ALDH6A1: variants seen among roughly 807,000 people sequenced by gnomAD.
ALDH6A1 encodes the protein methylmalonate-semialdehyde/malonate-semialdehyde dehydrogenase [acylating], mitochondrial.
ALDH6A1 carries 43 observed loss-of-function variants against 62.6 expected under a neutral mutation model. The observed-to-expected ratio is 0.69, with a 90% confidence interval of 0.54 to 0.89. ALDH6A1 has a LOEUF of 0.89. Ranked by LOEUF, ALDH6A1 falls within the 40% of genes least tolerant of loss-of-function variation. ALDH6A1 has a pLI of 0.00. For synonymous variants in ALDH6A1, 194 were observed against 234.2 expected, an observed-to-expected ratio of 0.83 and a Z score of 1.57; for missense variants, 551 against 661.3, an observed-to-expected ratio of 0.83 and a Z score of 1.83.
At chr14:74,066,610 T>A in intron 9 of ALDH6A1, 95 bp downstream of exon 9, 1 of 1,229,140 alleles carries the variant, frequency 8.1e-7, no homozygotes, top group South Asian at 1.2e-5. Context: ...AAGGTCTTAG[T>A]CATTAAGTAT....
rs758907336 is a variant in ALDH6A1 at position 74,057,111 on chromosome 14, G to T, written c.*3531C>A. 2 of 1,604,968 alleles carry T rather than the reference G, an allele frequency of 1.2e-6. No individual in the cohort carries two copies. The highest frequency in any genetic ancestry group is 1.7e-6 in the Non-Finnish European group (2 of 1,174,594). ...AACCAGGTTTCATGTGTGTAGAGTT[G>T]TTGACGGTTCTGTTATTTTGTCATT... On this transcript the variant is annotated 3_prime_UTR_variant, in exon 12 of 12. Coordinates refer to ENST00000553458, the MANE Select transcript of ALDH6A1 (RefSeq NM_005589.4).
intron 1 of ALDH6A1, among the ~76,000 whole-genome samples, chr14:74,078,004 G>C (rs534827432): frequency 6.6e-6 from 1 of 152,338 alleles, no homozygotes; most frequent in Admixed American, 6.5e-5. Flanking sequence ...TACTCGGGAA[G>C]CTGAGGCAGG....
chr14:74,060,163 CT>C lies in ALDH6A1; in HGVS notation c.*478del, dbSNP rs1256064433. ...CTTTAAAAAATTTTTTTTCCCTTTT[CT>C]TTTTTTACTTTTTCAATTTTTTTAA... On this transcript the variant is annotated 3_prime_UTR_variant, in exon 12 of 12. Coordinates refer to ENST00000553458, the MANE Select transcript of ALDH6A1 (RefSeq NM_005589.4). 1.2e-4 allele frequency: 19 copies of C among 156,250 alleles called. No homozygotes were observed. The South Asian group carries it at 1.9e-3, about 16-fold the overall frequency. 9.7% of individuals were successfully genotyped at this position (156,250 alleles called of 1,614,324 possible).
At chr14:74,075,648 C>A (rs991025103) in intron 1 of ALDH6A1, among the ~76,000 whole-genome samples, 1 of 150,722 alleles carries the variant, frequency 6.6e-6, no homozygotes, top group Non-Finnish European at 1.5e-5. Flanking sequence ...GAGAGGGAGA[C>A]CTTGTCTCAA....
In ALDH6A1 at chr14:74,084,422, C is replaced by T. The variant is rs1595138486; in HGVS notation, c.-28G>A. ...CTCTCGGCCGCCCTAGCTCCGCACC[C>T]CGCGCCTCTACTGCCCAGAAGCACT... is the stretch of plus-strand genomic sequence containing the variant. On this transcript the variant is annotated 5_prime_UTR_variant, in exon 1 of 12. Transcript: ENST00000553458. The T allele has an allele frequency of 1.9e-6, 3 of 1,611,858 alleles. No individual in the cohort carries two copies. Among genetic ancestry groups the T allele is most frequent in the Non-Finnish European group, 8.5e-7 (1 of 1,179,610 alleles).
In ALDH6A1 at chr14:74,074,129, T is replaced by A. The variant is rs182276851; in HGVS notation, c.111+826A>T. Among the ~76,000 whole-genome samples the A allele has an allele frequency of 4.6e-5, 7 of 151,090 alleles. No homozygotes were observed. In the East Asian group the frequency reaches 1.4e-3, roughly 30 times the overall value. On this transcript the variant is annotated intron_variant, in intron 2 of 11. Transcript: ENST00000553458. ...CCTCCCAGGCAGCTGGGACCATAGG[T>A]ACGCACCACCACGCCTGGCTAATTT...
chr14:74,065,554 CAT>C, intron 9 of ALDH6A1, 194 bp from the exon 10 acceptor site: 1 of 593,128 alleles, frequency 1.7e-6, no homozygotes. Context: ...AGTTACCAAT[CAT>C]ATAAACAACT....
In ALDH6A1 at chr14:74,071,880, G is replaced by A. The variant is rs2060554569; in HGVS notation, c.427+16C>T. The A allele has an allele frequency of 6.2e-7, 1 of 1,613,608 alleles. No individual in the cohort carries two copies. The highest frequency in any genetic ancestry group is 1.1e-5 in the South Asian group (1 of 91,060). ...TTGGTCCTTCCCAAAAGTCCCATAA[G>A]GGGCTCCCAGCTTACGAAGGCCTCG... On this transcript the variant is annotated intron_variant, in intron 5 of 11. Transcript: ENST00000553458.
At chr14:74,069,850 CTT>C (rs779619553) in intron 6 of ALDH6A1, among the ~76,000 whole-genome samples, 22 of 122,468 alleles carry the variant, frequency 1.8e-4, no homozygotes, top group African/African-American at 3.6e-4. Context: ...CTAATCTAAC[CTT>C]TTTTTTTTTT....
Position 74,071,258 on chromosome 14 carries a change from T to C in ALDH6A1, c.667A>G (p.Lys223Glu), listed in dbSNP as rs1489328481. Residue 223 changes from lysine (K) to glutamate (E), a missense_variant, in exon 6 of 12, where the codon AAG becomes GAG. Coordinates refer to ENST00000553458, the MANE Select transcript of ALDH6A1 (RefSeq NM_005589.4). ...RVPGATMLLA[K>E]LLQDSGAPDG... ...GGGGCACCAGAATCCTGGAGCAACT[T>C]AGCAAGAAGCATAGTTGCTCCAGGG... 1 of 1,614,132 alleles carries C rather than the reference T, an allele frequency of 6.2e-7. No homozygotes were observed. Among genetic ancestry groups the C allele is most frequent in the African/African-American group, 1.3e-5 (1 of 75,006 alleles).
chr14:74,063,967 CTT>C (rs943238226), intron 11 of ALDH6A1, among the ~76,000 whole-genome samples: 2 of 151,884 alleles, frequency 1.3e-5, no homozygotes, highest in African/African-American at 4.8e-5. Context: ...ATCTGCTTTA[CTT>C]TTCTTGTTCA....
In ALDH6A1 at chr14:74,068,974, A is replaced by G. The variant is rs149132534; in HGVS notation, c.738T>C (p.Asn246=). ...NIIHGQHEAV[N]FICDHPDIKA... ...TGATGTCCGGATGATCGCAAATAAA[A>G]TTTACAGCTTTAAGAAGAAAATAAA... The change falls in exon 7 of 12, where the codon AAT becomes AAC. Residue 246 remains asparagine (N), a synonymous_variant. Transcript: ENST00000553458. The G allele has an allele frequency of 2.0e-5, 32 of 1,613,872 alleles. No individual in the cohort carries two copies. Among genetic ancestry groups the G allele is most frequent in the African/African-American group, 8.0e-5 (6 of 74,906 alleles).
chr14:74,076,100 T>C (rs903056153), intron 1 of ALDH6A1, among the ~76,000 whole-genome samples: 2 of 152,204 alleles, frequency 1.3e-5, no homozygotes, highest in Admixed American at 6.6e-5. Flanking sequence ...GATGGACATA[T>C]GTTCATTATG....
In ALDH6A1 at chr14:74,084,396, G is replaced by A. The variant is rs758880945; in HGVS notation, c.-2C>T. ...CGCCGCCGCCAATAGCGCCGCCATG[G>A]CTCTCGGCCGCCCTAGCTCCGCACC... On this transcript the variant is annotated 5_prime_UTR_variant, in exon 1 of 12. Coordinates refer to ENST00000553458, the MANE Select transcript of ALDH6A1 (RefSeq NM_005589.4). The A allele has an allele frequency of 1.9e-6, 3 of 1,613,078 alleles. No individual in the cohort carries two copies. The highest frequency in any genetic ancestry group is 1.7e-4 in the Middle Eastern group (1 of 5,878).
Position 74,072,403 on chromosome 14 carries a change from C to T in ALDH6A1, c.187-39G>A, listed in dbSNP as rs564776787. ...TAAGCACATGATCCTTTGCCTGACT[C>T]ACCTTCTCCACTGTACATCCAGTCA... On this transcript the variant is annotated intron_variant, in intron 3 of 11. Coordinates refer to ENST00000553458, the MANE Select transcript of ALDH6A1 (RefSeq NM_005589.4). The T allele has an allele frequency of 6.8e-6, 11 of 1,614,040 alleles. No homozygotes were observed. In the South Asian group the frequency reaches 9.9e-5, roughly 15 times the overall value.
intron 2 of ALDH6A1, 63 bp downstream of exon 2, chr14:74,074,892 G>A: frequency 6.6e-7 from 1 of 1,518,116 alleles, no homozygotes; most frequent in Non-Finnish European, 9.1e-7. Flanking sequence ...AAAGAAGATA[G>A]AGATACCCAA....
At position 74,066,785 on chromosome 14, in the gene ALDH6A1, G is replaced by C. The variant is rs990299954; in HGVS notation, c.1144C>G (p.Leu382Val). The change falls in exon 9 of 12, where the codon CTT becomes GTT. Residue 382 changes from leucine (L) to valine (V), a missense_variant. By Grantham distance (32) the Leu-to-Val change is conservative. Transcript: ENST00000553458. Reference sequence around the variant, plus strand: ...ACTTTAATTTTTCGTCCATCAAGAAGGATGGAAGCTCCCTCCTTTGTTCCA... The same window carrying C: ...ACTTTAATTTTTCGTCCATCAAGAACGATGGAAGCTCCCTCCTTTGTTCCA... Reference protein sequence around the residue: ...DSGTKEGASILLDGRKIKVKG... With the variant: ...DSGTKEGASIVLDGRKIKVKG... 8 of 1,613,874 alleles carry C rather than the reference G, an allele frequency of 5.0e-6. No individual in the cohort carries two copies. In the Admixed American group the frequency reaches 5.0e-5, roughly 10 times the overall value.
chr14:74,078,448 G>T, intron 1 of ALDH6A1: 1 of 269,836 alleles, frequency 3.7e-6, no homozygotes, highest in East Asian at 1.1e-4. Context: ...CCATCTCCTG[G>T]GCTCAAGCCA....
At chr14:74,072,097 C>G in intron 4 of ALDH6A1, 106 bp downstream of exon 4, 1 of 1,579,248 alleles carries the variant, frequency 6.3e-7, no homozygotes, top group Non-Finnish European at 8.7e-7. Context: ...TGATCAACGT[C>G]TCTGCATACT....
Sources: gnomAD v4.1 joint callset for allele counts (sites outside exome capture counted in the v4.1 genomes callset) on GRCh38, gnomAD v4.1.1 for gene constraint, MANE v1.5 for transcripts, NCBI Gene and HGNC (gene_info 2026-07-23, HGNC 2026-07-21) for gene names.